FAM124A: variants seen among roughly 807,000 people sequenced by gnomAD.
FAM124A encodes the protein family with sequence similarity 124 member A, also known as protein FAM124A.
A neutral mutation model predicts 24.5 loss-of-function variants in FAM124A; 23 were observed. The observed-to-expected ratio is 0.94, with a 90% CI of 0.68 to 1.33. The LOEUF (loss-of-function observed/expected upper bound fraction) is 1.33, where lower values mean the gene tolerates loss of function less well. Among genes scored for constraint, FAM124A ranks in the 40% most tolerant of loss-of-function variants. The pLI is 0.00. For missense variants in FAM124A, 623 were observed against 722.8 expected (o/e 0.86, Z 1.58); for synonymous variants, 287 against 314.7 (o/e 0.91, Z 0.93).
intron 3 of FAM124A, among the ~76,000 whole-genome samples, chr13:51,257,463 G>A (rs1376189864): frequency 6.6e-6 from 1 of 152,134 alleles, no homozygotes; most frequent in Non-Finnish European, 1.5e-5. Context: ...TCTTCACCCT[G>A]TACACTCCAG....
At chr13:51,234,870 T>C (rs1455969173) in intron 2 of FAM124A, among the ~76,000 whole-genome samples, 1 of 152,156 alleles carries the variant, frequency 6.6e-6, no homozygotes, top group Non-Finnish European at 1.5e-5. Flanking sequence ...GTAGAGAGAC[T>C]GTGGTGAGAG....
At chr13:51,235,473 C>T (rs1954426624) in intron 2 of FAM124A, among the ~76,000 whole-genome samples, 1 of 152,110 alleles carries the variant, frequency 6.6e-6, no homozygotes, top group African/African-American at 2.4e-5. Context: ...AGATTATAAT[C>T]ATACTTAGAG....
In FAM124A at chr13:51,283,055, T is replaced by A. The variant is rs558809444; in HGVS notation, c.*1799T>A. ...TTCCAATAAAGCTTTATTTTTTTTT[T>A]ATTTGAGACGGGGTCTTGCTCTGTT... On this transcript the variant is annotated 3_prime_UTR_variant, in exon 4 of 4. Coordinates refer to ENST00000322475, the MANE Select transcript of FAM124A (RefSeq NM_001242312.2). The A allele has an allele frequency of 2.0e-5, 3 of 152,120 alleles. No homozygotes were observed. Among genetic ancestry groups the A allele is most frequent in the African/African-American group, 7.2e-5 (3 of 41,402 alleles). 9.4% of individuals were successfully genotyped at this position (152,120 alleles called of 1,614,324 possible).
chr13:51,259,124 CATG>C (rs1954705490), intron 3 of FAM124A, among the ~76,000 whole-genome samples: 1 of 152,188 alleles, frequency 6.6e-6, no homozygotes, highest in Non-Finnish European at 1.5e-5. Context: ...AGTCCTCTCT[CATG>C]AGACCACTTG....
chr13:51,241,586 C>G (rs936083746), intron 2 of FAM124A, among the ~76,000 whole-genome samples: 1 of 152,186 alleles, frequency 6.6e-6, no homozygotes, highest in Non-Finnish European at 1.5e-5. Context: ...GACTGTCTTA[C>G]CCATCCTTAA....
chr13:51,242,339 C>T (rs1047686964), intron 2 of FAM124A, among the ~76,000 whole-genome samples: 4 of 152,114 alleles, frequency 2.6e-5, no homozygotes, highest in Non-Finnish European at 2.9e-5. Context: ...CATTTTGAAC[C>T]GTCAAATTTT....
At chr13:51,233,689 A>G (rs535661080) in intron 2 of FAM124A, among the ~76,000 whole-genome samples, 6 of 152,354 alleles carry the variant, frequency 3.9e-5, no homozygotes, top group African/African-American at 7.2e-5. Context: ...TTGAGCAGTC[A>G]GTGAAGAGTA....
chr13:51,281,226 G>C lies in FAM124A; in HGVS notation c.1611G>C (p.Gly537=), dbSNP rs774102178. 1.6e-5 allele frequency: 26 copies of C among 1,590,900 alleles called. No individual in the cohort carries two copies. The highest frequency in any genetic ancestry group is 2.2e-5 in the Non-Finnish European group (26 of 1,170,420). The change falls in exon 4 of 4, where the codon GGG becomes GGC. Residue 537 remains glycine, a synonymous_variant. Transcript: ENST00000322475. ...CACCCCCAGGGTCGGCTGGCCCCGG[G>C]GATAACGACATGGAGGAATTCTACA... is the stretch of plus-strand genomic sequence containing the variant. ...MPPPPGSAGP[G]DNDMEEFYI is the part of the protein sequence containing the mutation.
At chr13:51,240,664 T>G (rs144620323) in intron 2 of FAM124A, among the ~76,000 whole-genome samples, 463 of 152,346 alleles carry the variant, frequency 3.0e-3, no homozygotes, top group Middle Eastern at 0.017. Flanking sequence ...CTGCTCTTCA[T>G]TGAGAACTCC....
chr13:51,269,108 G>GTT (rs1425853045), intron 3 of FAM124A, among the ~76,000 whole-genome samples: 2 of 152,200 alleles, frequency 1.3e-5, no homozygotes, highest in African/African-American at 4.8e-5. Flanking sequence ...AGAGGCTGCT[G>GTT]TGTGTCCCTC....
intron 3 of FAM124A, among the ~76,000 whole-genome samples, chr13:51,279,360 T>C (rs1257462808): frequency 6.6e-6 from 1 of 152,206 alleles, no homozygotes. Flanking sequence ...TGACTCTCCA[T>C]TCCTGCTGGA....
At chr13:51,246,561 C>G (rs1340032707) in intron 2 of FAM124A, among the ~76,000 whole-genome samples, 1 of 152,122 alleles carries the variant, frequency 6.6e-6, no homozygotes, top group African/African-American at 2.4e-5. Context: ...GGGGCAGGGT[C>G]TTAGCCACTT....
At position 51,282,806 on chromosome 13, in the gene FAM124A, ACTCT is replaced by A; in HGVS notation, c.*1553_*1556del. The A allele has an allele frequency of 6.6e-6, 1 of 152,104 alleles. No homozygotes were observed. Among genetic ancestry groups the A allele is most frequent in the East Asian group, 1.9e-4 (1 of 5,196 alleles). The allele number at this position is 152,104 out of a possible 1,614,324, so 9.4% of individuals were successfully genotyped here. ...TTAGGCCTTGCCCCAAGCATTCTGG[ACTCT>A]CTAACACTCAGAATTGTAATGTAAT... is the stretch of plus-strand genomic sequence containing the variant. On this transcript the variant is annotated 3_prime_UTR_variant, in exon 4 of 4. Transcript: ENST00000322475.
At chr13:51,252,238 C>T in intron 3 of FAM124A, 37 bp downstream of exon 3, 1 of 1,594,040 alleles carries the variant, frequency 6.3e-7, no homozygotes, top group Non-Finnish European at 8.5e-7. Flanking sequence ...TTTAGGGGAC[C>T]TGAGAAACCA....
chr13:51,230,622 C>T (rs1028399543), intron 1 of FAM124A, among the ~76,000 whole-genome samples: 7 of 152,300 alleles, frequency 4.6e-5, no homozygotes, highest in Middle Eastern at 3.4e-3. Context: ...AGAAGTAGGG[C>T]AGAAACTTAC....
chr13:51,254,739 G>C (rs2137683243), intron 3 of FAM124A, among the ~76,000 whole-genome samples: 1 of 152,282 alleles, frequency 6.6e-6, no homozygotes, highest in Non-Finnish European at 1.5e-5. Context: ...TGGCTTTGTG[G>C]AGTCAAGGAT....
intron 2 of FAM124A, among the ~76,000 whole-genome samples, chr13:51,238,939 A>T (rs1227985013): frequency 6.6e-6 from 1 of 152,240 alleles, no homozygotes; most frequent in Non-Finnish European, 1.5e-5. Flanking sequence ...TCCAAAAAAA[A>T]TATGGTGTAG....
chr13:51,252,357 G>T, intron 3 of FAM124A, 156 bp downstream of exon 3: 1 of 1,010,752 alleles, frequency 9.9e-7, no homozygotes, highest in East Asian at 2.6e-5. Flanking sequence ...TGGCCATACA[G>T]GATCCCAACA....
At chr13:51,268,398 T>TA (rs1238148768) in intron 3 of FAM124A, among the ~76,000 whole-genome samples, 7 of 152,286 alleles carry the variant, frequency 4.6e-5, no homozygotes, top group African/African-American at 1.4e-4. Context: ...ATGTCATATT[T>TA]AAAAAAACAA....
Sources: gnomAD v4.1 joint callset for allele counts (sites outside exome capture counted in the v4.1 genomes callset) on GRCh38, gnomAD v4.1.1 for gene constraint, MANE v1.5 for transcripts, NCBI Gene and HGNC (gene_info 2026-07-23, HGNC 2026-07-21) for gene names.